The following MICU1 variants were observed in gnomAD, a reference collection of about 807,000 sequenced individuals.
The protein encoded by MICU1 is calcium uptake protein 1, mitochondrial.
In MICU1, 45 loss-of-function variants were observed where a neutral mutation model predicts 56.8. That is an observed-to-expected ratio of 0.79 (90% CI 0.62 to 1.02). The LOEUF (loss-of-function observed/expected upper bound fraction) is 1.02, where lower values mean the gene tolerates loss of function less well. Among genes scored for constraint, MICU1 ranks in the 50% least tolerant of loss-of-function variants. MICU1 has a pLI of 0.00. For missense variants in MICU1, 504 were observed against 587.1 expected (o/e 0.86, Z 1.46); for synonymous variants, 186 against 195.1 (o/e 0.95, Z 0.39).
intron 9 of MICU1, among the ~76,000 whole-genome samples, chr10:72,410,729 T>G (rs967816621): frequency 6.6e-6 from 1 of 152,198 alleles, no homozygotes; most frequent in Non-Finnish European, 1.5e-5. Context: ...TATTATATGC[T>G]TTTTCCCTAA....
chr10:72,437,341 A>C (rs537837578), intron 8 of MICU1, among the ~76,000 whole-genome samples: 1 of 152,344 alleles, frequency 6.6e-6, no homozygotes, highest in Admixed American at 6.5e-5. Context: ...AGACAAGCAA[A>C]TGCCAAGAGA....
Position 72,594,925 on chromosome 10 carries a change from C to CAAAAAAAAAAAAAAA in MICU1, c.-1-28132_-1-28131insTTTTTTTTTTTTTTT, listed in dbSNP as rs57504317. On this transcript the variant is annotated intron_variant, in intron 1 of 11. Coordinates refer to ENST00000361114, the MANE Select transcript of MICU1 (RefSeq NM_001195518.2). ...ACCCTGTCTCAAAAAAAGTACAATCCAAAAAAAAAAAAAAGATGAACCAAT... is the reference window on the plus strand; with the variant it reads ...ACCCTGTCTCAAAAAAAGTACAATCCAAAAAAAAAAAAAAAAAAAAAAAAAAAAAGATGAACCAAT... 5.3e-4 allele frequency among the ~76,000 whole-genome samples: 27 copies of CAAAAAAAAAAAAAAA among 50,584 alleles called. 1 individual carries two copies. The highest frequency in any genetic ancestry group is 8.5e-4 in the African/African-American group (11 of 12,918). The allele number at this position is 50,584 out of a possible 152,430, so 33.2% of individuals were successfully genotyped here.
At chr10:72,368,832 A>T (rs1008370816) in intron 11 of MICU1, among the ~76,000 whole-genome samples, 15 of 152,134 alleles carry the variant, frequency 9.9e-5, no homozygotes, top group African/African-American at 3.6e-4. Flanking sequence ...CAATTGGCCA[A>T]GTTAAGGGGA....
At chr10:72,481,739 G>C (rs2132282301) in intron 6 of MICU1, among the ~76,000 whole-genome samples, 1 of 152,242 alleles carries the variant, frequency 6.6e-6, no homozygotes, top group African/African-American at 2.4e-5. Flanking sequence ...TGAATGCTAG[G>C]CTACTTAGAG....
At chr10:72,412,657 C>T (rs1288907727) in intron 9 of MICU1, among the ~76,000 whole-genome samples, 3 of 151,568 alleles carry the variant, frequency 2.0e-5, no homozygotes, top group Non-Finnish European at 4.4e-5. Flanking sequence ...TCGGGACCAG[C>T]CTGGCCAAAC....
intron 4 of MICU1, among the ~76,000 whole-genome samples, chr10:72,548,398 C>T (rs372970611): frequency 6.6e-6 from 1 of 152,204 alleles, no homozygotes; most frequent in African/African-American, 2.4e-5. Context: ...TTGAACAGTG[C>T]CTGGATATTT....
chr10:72,526,973 C>CAAGT (rs1481190330), intron 5 of MICU1, among the ~76,000 whole-genome samples: 2 of 149,934 alleles, frequency 1.3e-5, no homozygotes, highest in African/African-American at 5.0e-5. Flanking sequence ...CTGAAGATGT[C>CAAGT]AAGTGGTACT....
chr10:72,407,158 T>C (rs1446334756), intron 10 of MICU1, among the ~76,000 whole-genome samples: 1 of 152,168 alleles, frequency 6.6e-6, no homozygotes, highest in Non-Finnish European at 1.5e-5. Context: ...TGAAAGAACT[T>C]TAAATGAATC....
At chr10:72,400,503 T>C (rs1189713017) in intron 10 of MICU1, among the ~76,000 whole-genome samples, 1 of 152,136 alleles carries the variant, frequency 6.6e-6, no homozygotes, top group East Asian at 1.9e-4. Flanking sequence ...CCCAGCACTT[T>C]GGGAGGCTAA....
intron 1 of MICU1, among the ~76,000 whole-genome samples, chr10:72,593,291 T>C (rs1564952352): frequency 6.6e-6 from 1 of 151,840 alleles, no homozygotes; most frequent in African/African-American, 2.4e-5. Flanking sequence ...CAAGACCAAT[T>C]AGGGAGGCAA....
At chr10:72,555,659 T>A (rs1284421842) in intron 3 of MICU1, among the ~76,000 whole-genome samples, 1 of 152,180 alleles carries the variant, frequency 6.6e-6, no homozygotes, top group East Asian at 1.9e-4. Context: ...GTTACACTGC[T>A]CCCATCACCA....
At chr10:72,427,939 C>A (rs1389803024) in intron 8 of MICU1, among the ~76,000 whole-genome samples, 1 of 151,906 alleles carries the variant, frequency 6.6e-6, no homozygotes, top group Admixed American at 6.6e-5. Context: ...CTGTGTTATG[C>A]CCATCTAAAG....
At chr10:72,503,197 G>A (rs1867134774) in intron 6 of MICU1, among the ~76,000 whole-genome samples, 1 of 152,190 alleles carries the variant, frequency 6.6e-6, no homozygotes, top group African/African-American at 2.4e-5. Flanking sequence ...GTCTCAGCGG[G>A]AGAGGAAGGG....
chr10:72,590,231 G>A (rs931048398), intron 1 of MICU1, among the ~76,000 whole-genome samples: 16 of 152,006 alleles, frequency 1.1e-4, no homozygotes, highest in Non-Finnish European at 2.1e-4. Flanking sequence ...CATGCAAATG[G>A]TAACCAAAAG....
Position 72,458,723 on chromosome 10 carries a change from A to T in MICU1, c.933+16377T>A, listed in dbSNP as rs1419310085. Among the ~76,000 whole-genome samples, 8 of 130,020 alleles carry T rather than the reference A, an allele frequency of 6.2e-5. 1 individual carries two copies. The highest frequency in any genetic ancestry group is 3.9e-4 in the Admixed American group (5 of 12,924). 85.3% of individuals were successfully genotyped at this position (130,020 alleles called of 152,430 possible). A position where few individuals can be genotyped will look rare whatever the true frequency, so the allele number is the denominator to read the frequency against. On this transcript the variant is annotated intron_variant, in intron 8 of 11. Transcript: ENST00000361114. Reference sequence around the variant, plus strand: ...GTTCCTGTTTTTTTTTTTTTTTTTTAAATAAATACAGGGTCTCACTCTGTT... The same window carrying T: ...GTTCCTGTTTTTTTTTTTTTTTTTTTAATAAATACAGGGTCTCACTCTGTT...
At chr10:72,454,018 T>C (rs920989409) in intron 8 of MICU1, among the ~76,000 whole-genome samples, 2 of 151,784 alleles carry the variant, frequency 1.3e-5, no homozygotes, top group Non-Finnish European at 2.9e-5. Flanking sequence ...GTATTTTTTG[T>C]AGAGATGGGA....
chr10:72,621,061 GA>G (rs984180666), intron 1 of MICU1, among the ~76,000 whole-genome samples: 2 of 150,826 alleles, frequency 1.3e-5, no homozygotes, highest in African/African-American at 4.9e-5. Flanking sequence ...CGTTTCTACA[GA>G]AAAAAAAATT....
intron 1 of MICU1, among the ~76,000 whole-genome samples, chr10:72,577,579 A>T (rs1319688069): frequency 2.0e-5 from 3 of 152,032 alleles, no homozygotes; most frequent in African/African-American, 7.2e-5. Context: ...TCAGTAGAAG[A>T]AGTCATTGCA....
At chr10:72,437,624 C>T (rs192628446) in intron 8 of MICU1, among the ~76,000 whole-genome samples, 44 of 152,210 alleles carry the variant, frequency 2.9e-4, no homozygotes, top group African/African-American at 4.1e-4. Context: ...AGAGTCAAGA[C>T]GCACCAGTGT....
Sources: allele counts gnomAD v4.1 joint callset (sites outside exome capture counted in the v4.1 genomes callset), GRCh38; gene constraint gnomAD v4.1.1; transcripts MANE v1.5; gene names NCBI Gene and HGNC (gene_info 2026-07-23, HGNC 2026-07-21).